CNGA3: variants seen among roughly 807,000 people sequenced by gnomAD.
The protein encoded by CNGA3 is cyclic nucleotide gated channel subunit alpha 3.
In CNGA3, 42 loss-of-function variants were observed where a neutral mutation model predicts 46.6. That is an observed-to-expected ratio of 0.90 (90% confidence interval 0.70 to 1.17). The LOEUF (loss-of-function observed/expected upper bound fraction) is 1.17, where lower values mean the gene tolerates loss of function less well. Ranked by LOEUF, CNGA3 falls within the 50% of genes most tolerant of loss-of-function variation. The pLI is 0.00. For synonymous variants in CNGA3, 394 were observed against 369.4 expected, an observed-to-expected ratio of 1.07 and a Z score of -0.76; for missense variants, 893 against 890.7, an observed-to-expected ratio of 1.00 and a Z score of -0.03.
chr2:98,389,516 T>A, intron 5 of CNGA3, 142 bp from the exon 6 acceptor site: 1 of 764,626 alleles, frequency 1.3e-6, no homozygotes, highest in South Asian at 1.5e-5. Context: ...ACTCCCCATG[T>A]GACTCCCTTG....
At chr2:98,391,282 G>A (rs774664011) in intron 6 of CNGA3, among the ~76,000 whole-genome samples, 27 of 152,060 alleles carry the variant, frequency 1.8e-4, no homozygotes, top group Admixed American at 4.6e-4. Context: ...TGGTGCACGC[G>A]GGCTCTGGGG....
intron 1 of CNGA3, among the ~76,000 whole-genome samples, chr2:98,356,858 G>A (rs1176785004): frequency 6.6e-6 from 1 of 152,210 alleles, no homozygotes; most frequent in Admixed American, 6.5e-5. Context: ...CTCCTTTGTA[G>A]TATGTTTGCT....
intron 1 of CNGA3, among the ~76,000 whole-genome samples, chr2:98,357,269 C>T (rs1242905046): frequency 6.6e-6 from 1 of 152,134 alleles, no homozygotes; most frequent in Non-Finnish European, 1.5e-5. Flanking sequence ...GTGGAGAGAG[C>T]CCAGGATGAG....
At chr2:98,349,491 T>C (rs1691727792) in intron 1 of CNGA3, among the ~76,000 whole-genome samples, 2 of 152,186 alleles carry the variant, frequency 1.3e-5, no homozygotes, top group Non-Finnish European at 2.9e-5. Flanking sequence ...CTATGGAAGG[T>C]TCATTCATTT....
At chr2:98,379,151 C>T (rs1692481003) in intron 3 of CNGA3, among the ~76,000 whole-genome samples, 2 of 152,262 alleles carry the variant, frequency 1.3e-5, no homozygotes, top group African/African-American at 4.8e-5. Flanking sequence ...AGAGACTGGG[C>T]TTGGCAGATA....
chr2:98,367,653 G>A (rs1045308047), intron 1 of CNGA3, among the ~76,000 whole-genome samples: 3 of 151,790 alleles, frequency 2.0e-5, no homozygotes, highest in Admixed American at 1.3e-4. Context: ...TGTCTCAATG[G>A]GCAGGCAACA....
chr2:98,352,151 A>T (rs1380181970), intron 1 of CNGA3, among the ~76,000 whole-genome samples: 2 of 152,134 alleles, frequency 1.3e-5, no homozygotes, highest in African/African-American at 4.8e-5. Flanking sequence ...ACTTAGCATA[A>T]TATTTTCAGG....
intron 3 of CNGA3, among the ~76,000 whole-genome samples, chr2:98,378,968 G>A (rs1174680303): frequency 6.6e-6 from 1 of 152,242 alleles, no homozygotes; most frequent in Non-Finnish European, 1.5e-5. Flanking sequence ...GTGACCATGA[G>A]TTGAAACACC....
At chr2:98,369,803 A>G (rs1000846565) in intron 1 of CNGA3, 136 bp from the exon 2 acceptor site, 4 of 634,734 alleles carry the variant, frequency 6.3e-6, no homozygotes, top group South Asian at 1.8e-5. Context: ...TGCAGCAGGA[A>G]CTACAAGAGA....
chr2:98,386,031 G>A (rs1692646214), intron 5 of CNGA3, among the ~76,000 whole-genome samples: 1 of 152,144 alleles, frequency 6.6e-6, no homozygotes, highest in Non-Finnish European at 1.5e-5. Context: ...CTGTTTCCTG[G>A]CTTATAAAAT....
At chr2:98,364,449 C>G (rs952290150) in intron 1 of CNGA3, among the ~76,000 whole-genome samples, 1 of 152,094 alleles carries the variant, frequency 6.6e-6, no homozygotes, top group Non-Finnish European at 1.5e-5. Flanking sequence ...CTGCTTTTTT[C>G]TCCTTTCCAT....
Position 98,391,869 on chromosome 2 carries a change from G to A in CNGA3, c.572G>A (p.Cys191Tyr), listed in dbSNP as rs761554853. The A allele has an allele frequency of 7.4e-6, 12 of 1,614,024 alleles. No homozygotes were observed. The highest frequency in any genetic ancestry group is 1.6e-4 in the Middle Eastern group (1 of 6,084). The change falls in exon 7 of 8, where the codon TGT becomes TAT. Residue 191 changes from cysteine to tyrosine, a missense_variant. Physicochemically the swap from Cys to Tyr is radical, Grantham distance 194. Coordinates refer to ENST00000272602, the MANE Select transcript of CNGA3 (RefSeq NM_001298.3). The stretch of plus-strand genomic sequence containing the variant: ...CTCCCACATGGCTTCTTTAGGGCCT[G>A]TTTCGATGAGCTGCAGTCCGAGTAC... ...YNWYLLICRA[C>Y]FDELQSEYLM...
chr2:98,389,166 G>C (rs1349730081), intron 5 of CNGA3, among the ~76,000 whole-genome samples: 1 of 152,214 alleles, frequency 6.6e-6, no homozygotes, highest in African/African-American at 2.4e-5. Flanking sequence ...GAGGGTTCTG[G>C]AGGGAATACT....
rs115593929 is a variant in CNGA3, at chr2:98,367,640, C to G, written c.-37-2299C>G. ...TCTCTAACGTGCTTCCCCCCTAGTT[C>G]CCTGTCTCAATGGGCAGGCAACACC... On this transcript the variant is annotated intron_variant, in intron 1 of 7. Transcript: ENST00000272602. Among the ~76,000 whole-genome samples the G allele has an allele frequency of 7.3e-3, 1,110 of 152,168 alleles. 18 individuals are homozygous for G. Among genetic ancestry groups the G allele is most frequent in the African/African-American group, 0.025 (1,029 of 41,488 alleles).
chr2:98,359,537 G>A (rs1691975004), intron 1 of CNGA3, among the ~76,000 whole-genome samples: 1 of 152,184 alleles, frequency 6.6e-6, no homozygotes, highest in Non-Finnish European at 1.5e-5. Context: ...CAAATACACT[G>A]CATTACCACC....
chr2:98,376,238 C>T (rs1276529315), intron 2 of CNGA3, among the ~76,000 whole-genome samples: 1 of 152,106 alleles, frequency 6.6e-6, no homozygotes, highest in Non-Finnish European at 1.5e-5. Context: ...CAGAAACACA[C>T]AAAGCAATAA....
At chr2:98,362,047 A>T (rs1368268718) in intron 1 of CNGA3, among the ~76,000 whole-genome samples, 1 of 151,336 alleles carries the variant, frequency 6.6e-6, no homozygotes, top group Non-Finnish European at 1.5e-5. Flanking sequence ...CTGGCATGAG[A>T]TGGTATGTCA....
intron 1 of CNGA3, among the ~76,000 whole-genome samples, chr2:98,366,809 T>C (rs1163793071): frequency 1.3e-5 from 2 of 152,192 alleles, no homozygotes; most frequent in Non-Finnish European, 2.9e-5. Flanking sequence ...TCGGTAGTCT[T>C]AGGCAGTCTC....
At chr2:98,383,350 G>C (rs1485036681) in intron 4 of CNGA3, 38 bp from the exon 5 acceptor site, 1 of 1,605,728 alleles carries the variant, frequency 6.2e-7, no homozygotes. Context: ...AATGGAAACA[G>C]AGTTCAGACC....
Sources: gnomAD v4.1 joint callset for allele counts (sites outside exome capture counted in the v4.1 genomes callset) on GRCh38, gnomAD v4.1.1 for gene constraint, MANE v1.5 for transcripts, NCBI Gene and HGNC (gene_info 2026-07-23, HGNC 2026-07-21) for gene names.